Variants in SBF2 observed in about 807,000 individuals in gnomAD.
The protein encoded by SBF2 is myotubularin-related protein 13.
In SBF2, 112 loss-of-function variants were observed where a neutral mutation model predicts 225.2. The observed-to-expected ratio is 0.50, with a 90% CI of 0.43 to 0.58. The LOEUF is 0.58. Ranked by LOEUF, SBF2 falls within the 20% of genes least tolerant of loss-of-function variation. The pLI is 0.00. For missense variants in SBF2, 1,996 were observed against 2,206.2 expected, an observed-to-expected ratio of 0.90 and a Z score of 1.91; for synonymous variants, 763 against 773.3, an observed-to-expected ratio of 0.99 and a Z score of 0.22.
At chr11:10,076,751 T>A (rs1165530778) in intron 2 of SBF2, among the ~76,000 whole-genome samples, 2 of 152,192 alleles carry the variant, frequency 1.3e-5, no homozygotes, top group African/African-American at 4.8e-5. Context: ...TGTCCCTGTA[T>A]TGGCTCTTTG....
At chr11:10,227,142 C>A (rs1439417389) in intron 1 of SBF2, among the ~76,000 whole-genome samples, 2 of 152,074 alleles carry the variant, frequency 1.3e-5, no homozygotes, top group African/African-American at 4.8e-5. Flanking sequence ...AGTGTCTGTT[C>A]ATATCCTTTG....
intron 2 of SBF2, among the ~76,000 whole-genome samples, chr11:10,177,857 G>A (rs1956539288): frequency 6.7e-6 from 1 of 149,210 alleles, no homozygotes; most frequent in Non-Finnish European, 1.5e-5. Context: ...AAGTTCATAT[G>A]GAACCAAAAA....
chr11:10,072,685 A>C (rs1401590004), intron 2 of SBF2, among the ~76,000 whole-genome samples: 2 of 151,384 alleles, frequency 1.3e-5, no homozygotes, highest in Non-Finnish European at 2.9e-5. Context: ...TGGCTGCATT[A>C]CTATGTTCTC....
At chr11:10,150,466 G>A (rs969455024) in intron 2 of SBF2, among the ~76,000 whole-genome samples, 19 of 152,140 alleles carry the variant, frequency 1.2e-4, no homozygotes, top group African/African-American at 4.3e-4. Context: ...TGGAGAATGG[G>A]ATTACTGATG....
intron 1 of SBF2, among the ~76,000 whole-genome samples, chr11:10,247,862 G>A (rs1407448233): frequency 6.6e-6 from 1 of 152,122 alleles, no homozygotes; most frequent in Non-Finnish European, 1.5e-5. Context: ...AGCCCTTACA[G>A]TACCTGATTT....
rs532714473 is a variant in SBF2, at chr11:10,161,030, T to A, written c.141+32872A>T. Among the ~76,000 whole-genome samples, 80 of 151,888 alleles carry A rather than the reference T, an allele frequency of 5.3e-4. No individual in the cohort carries two copies. In the South Asian group the frequency reaches 0.016, roughly 30 times the overall value. On this transcript the variant is annotated intron_variant, in intron 2 of 39. Coordinates refer to ENST00000256190, the MANE Select transcript of SBF2 (RefSeq NM_030962.4). ...GGTGAAACCCCATCTCTACTAAAAA[T>A]ACAAAAATTAGCTAGGCTTGGTGGC...
intron 27 of SBF2, 94 bp downstream of exon 27, chr11:9,832,130 G>T: frequency 9.1e-7 from 1 of 1,094,952 alleles, no homozygotes; most frequent in Non-Finnish European, 1.4e-6. Flanking sequence ...GACAAGACTT[G>T]ATGAAAAGGC....
intron 30 of SBF2, chr11:9,811,243 C>A (rs1341809008): frequency 6.6e-6 from 1 of 152,214 alleles, no homozygotes; most frequent in East Asian, 1.9e-4. Context: ...AGGTACTATG[C>A]TTATTACCTG....
intron 15 of SBF2, 95 bp from the exon 16 acceptor site, chr11:9,962,201 AT>A: frequency 9.2e-7 from 1 of 1,089,218 alleles, no homozygotes; most frequent in Non-Finnish European, 1.4e-6. Flanking sequence ...GCATCCTATA[AT>A]TTATTTAACA....
chr11:10,281,312 T>C (rs1963391124), intron 1 of SBF2, among the ~76,000 whole-genome samples: 1 of 152,178 alleles, frequency 6.6e-6, no homozygotes, highest in Non-Finnish European at 1.5e-5. Flanking sequence ...AGATGGCTGC[T>C]GGGGCTGCAG....
At position 10,303,569 on chromosome 11, in the gene SBF2, C is replaced by T. The variant is rs980698382; in HGVS notation, n.386+923G>A. The T allele has an allele frequency of 6.6e-6, 1 of 152,412 alleles. No homozygotes were observed. Among genetic ancestry groups the T allele is most frequent in the Non-Finnish European group, 1.5e-5 (1 of 68,114 alleles). 9.4% of individuals were successfully genotyped at this position (152,412 alleles called of 1,614,324 possible). A position where few individuals can be genotyped will look rare whatever the true frequency, so the allele number is the denominator to read the frequency against. The stretch of plus-strand genomic sequence containing the variant: ...GCCATATGGCAGAGTAGGAAGGAAG[C>T]TTAAAGGTCTGCTGGGGACCGGCTC... On this transcript the variant is annotated intron_variant and non_coding_transcript_variant, in intron 1 of 5. Coordinates refer to the SBF2 transcript ENST00000685217. This position sits in a 1 kb window ranked among gnomAD's most constrained non-coding sequence, Gnocchi z 5.2.
intron 2 of SBF2, among the ~76,000 whole-genome samples, chr11:10,077,805 A>G (rs1951180363): frequency 6.6e-6 from 1 of 152,250 alleles, no homozygotes; most frequent in Non-Finnish European, 1.5e-5. Flanking sequence ...ATTAAACTAA[A>G]GAGCTTCTGC....
At chr11:10,123,890 A>C (rs1185757703) in intron 2 of SBF2, among the ~76,000 whole-genome samples, 1 of 152,212 alleles carries the variant, frequency 6.6e-6, no homozygotes, top group Non-Finnish European at 1.5e-5. Flanking sequence ...CCTAACAACA[A>C]GACTACTGAG....
At chr11:9,818,024 C>T (rs1216943259) in intron 28 of SBF2, among the ~76,000 whole-genome samples, 3 of 152,232 alleles carry the variant, frequency 2.0e-5, no homozygotes, top group African/African-American at 7.2e-5. Context: ...CAGCACATCA[C>T]AACCTCCACC....
chr11:9,885,026 G>A (rs1232112936), intron 17 of SBF2, among the ~76,000 whole-genome samples: 1 of 151,854 alleles, frequency 6.6e-6, no homozygotes, highest in Non-Finnish European at 1.5e-5. Context: ...TGAGGCGGAC[G>A]GATCACTTGA....
At chr11:10,300,535 A>G (rs1316075277) in intron 1 of SBF2, among the ~76,000 whole-genome samples, 2 of 151,420 alleles carry the variant, frequency 1.3e-5, no homozygotes, top group East Asian at 3.9e-4. Context: ...ATATATATAC[A>G]TATATAAAAT....
At chr11:10,123,970 A>C (rs1953609059) in intron 2 of SBF2, among the ~76,000 whole-genome samples, 2 of 152,196 alleles carry the variant, frequency 1.3e-5, no homozygotes, top group Non-Finnish European at 2.9e-5. Flanking sequence ...GAATCTCACT[A>C]TTAAAGTGTG....
chr11:10,078,181 CT>C (rs1324876819), intron 2 of SBF2, among the ~76,000 whole-genome samples: 1 of 150,928 alleles, frequency 6.6e-6, no homozygotes, highest in African/African-American at 2.4e-5. Context: ...CGCTTTTACA[CT>C]AGTGTAAACT....
intron 13 of SBF2, among the ~76,000 whole-genome samples, chr11:9,979,579 T>C (rs1946851184): frequency 6.6e-6 from 1 of 152,184 alleles, no homozygotes; most frequent in Admixed American, 6.5e-5. Context: ...GGCATGGTTA[T>C]AAATAACTAA....
Sources: allele counts gnomAD v4.1 joint callset (sites outside exome capture counted in the v4.1 genomes callset), GRCh38; gene constraint gnomAD v4.1.1; non-coding constraint Gnocchi (gnomAD v3.1); transcripts MANE v1.5; gene names NCBI Gene and HGNC (gene_info 2026-07-23, HGNC 2026-07-21).